Variants in GRIA4 observed in about 807,000 individuals in gnomAD.
GRIA4 encodes the protein glutamate ionotropic receptor AMPA type subunit 4.
In GRIA4, 34 loss-of-function variants were observed where a neutral mutation model predicts 104.0. The ratio of observed to expected loss-of-function variants is 0.33; its 90% CI spans 0.25 to 0.44. GRIA4 has a LOEUF of 0.44. GRIA4 is among the 20% of genes least tolerant of loss of function. The pLI, the probability that GRIA4 is intolerant of heterozygous loss-of-function variation, is 1.00. For missense variants in GRIA4, 750 were observed against 1,096.5 expected, an observed-to-expected ratio of 0.68 and a Z score of 4.46; for synonymous variants, 386 against 381.9, an observed-to-expected ratio of 1.01 and a Z score of -0.13.
chr11:105,650,301 G>A (rs1951648859), intron 3 of GRIA4, among the ~76,000 whole-genome samples: 1 of 152,224 alleles, frequency 6.6e-6, no homozygotes, highest in South Asian at 2.1e-4. Flanking sequence ...CTCAATGAGG[G>A]TATTTTCCCA....
At chr11:105,926,984 A>G (rs1039431121) in intron 13 of GRIA4, 45 bp downstream of exon 13, 32 of 1,328,338 alleles carry the variant, frequency 2.4e-5, no homozygotes, top group Non-Finnish European at 3.4e-5. Context: ...ATCATTTTGA[A>G]ATTCAGGCAA....
intron 4 of GRIA4, among the ~76,000 whole-genome samples, chr11:105,810,743 T>C (rs1255892712): frequency 6.6e-6 from 1 of 152,114 alleles, no homozygotes; most frequent in Non-Finnish European, 1.5e-5. Context: ...TGCCTGAATA[T>C]TCAGATAATC....
intron 14 of GRIA4, among the ~76,000 whole-genome samples, chr11:105,942,826 T>C (rs1021062097): frequency 6.6e-6 from 1 of 152,124 alleles, no homozygotes; most frequent in Admixed American, 6.6e-5. Flanking sequence ...GAAAAAATTA[T>C]GTAGCTTTCA....
At chr11:105,644,658 A>T (rs1951473880) in intron 3 of GRIA4, among the ~76,000 whole-genome samples, 1 of 152,164 alleles carries the variant, frequency 6.6e-6, no homozygotes, top group South Asian at 2.1e-4. Flanking sequence ...ATCTTTTTAG[A>T]AAATCAAAAT....
intron 3 of GRIA4, among the ~76,000 whole-genome samples, chr11:105,638,151 C>T (rs147437868): frequency 4.0e-4 from 61 of 152,138 alleles, no homozygotes; most frequent in Admixed American, 8.5e-4. Flanking sequence ...TGCAAGAATG[C>T]GATTATGAAA....
At chr11:105,796,781 T>C (rs1942495544) in intron 4 of GRIA4, among the ~76,000 whole-genome samples, 1 of 152,212 alleles carries the variant, frequency 6.6e-6, no homozygotes. Flanking sequence ...TCAGAGCTAC[T>C]GACACTTTTC....
intron 3 of GRIA4, among the ~76,000 whole-genome samples, chr11:105,734,125 C>T (rs1190518564): frequency 6.7e-6 from 1 of 149,584 alleles, no homozygotes; most frequent in African/African-American, 2.5e-5. Context: ...CCTTTAGACA[C>T]TGACAGATCT....
intron 4 of GRIA4, among the ~76,000 whole-genome samples, chr11:105,802,807 T>C (rs1021008611): frequency 1.6e-4 from 25 of 151,942 alleles, no homozygotes; most frequent in African/African-American, 6.0e-4. Flanking sequence ...TATTTGTTTA[T>C]TTCAAAACAT....
intron 14 of GRIA4, among the ~76,000 whole-genome samples, chr11:105,969,523 A>C (rs1591498477): frequency 6.6e-6 from 1 of 152,280 alleles, no homozygotes; most frequent in Admixed American, 6.5e-5. Flanking sequence ...ATAGGAGAAA[A>C]GACTGCTTTA....
intron 4 of GRIA4, among the ~76,000 whole-genome samples, chr11:105,758,614 T>C (rs939104747): frequency 5.3e-5 from 8 of 152,174 alleles, no homozygotes; most frequent in African/African-American, 1.9e-4. Flanking sequence ...GAATTTTCCC[T>C]TTTACTACAA....
At chr11:105,810,899 C>A (rs1943144929) in intron 4 of GRIA4, among the ~76,000 whole-genome samples, 1 of 152,068 alleles carries the variant, frequency 6.6e-6, no homozygotes, top group Non-Finnish European at 1.5e-5. Context: ...ATATCTGCAA[C>A]TGTGTTAAGC....
In GRIA4 at chr11:105,717,193, C is replaced by A. The variant is rs1211099664; in HGVS notation, c.248-35788C>A. ...AGCTAAGAATTCCTGAAATCCCAGT[C>A]CAAGCATGTCCAGTTTCATAAACCA... is the stretch of plus-strand genomic sequence containing the variant. On this transcript the variant is annotated intron_variant, in intron 3 of 16. Transcript: ENST00000282499. 2.0e-5 allele frequency among the ~76,000 whole-genome samples: 3 copies of A among 152,060 alleles called. No homozygotes were observed. In the East Asian group the frequency reaches 5.8e-4, roughly 29 times the overall value.
chr11:105,754,055 C>T (rs1940163500), intron 4 of GRIA4, among the ~76,000 whole-genome samples: 1 of 151,980 alleles, frequency 6.6e-6, no homozygotes, highest in South Asian at 2.1e-4. Context: ...CTTTCATGTC[C>T]CTCTTTCTCC....
At chr11:105,887,224 G>A (rs1410165311) in intron 5 of GRIA4, among the ~76,000 whole-genome samples, 2 of 152,004 alleles carry the variant, frequency 1.3e-5, no homozygotes, top group Non-Finnish European at 2.9e-5. Flanking sequence ...GTATTCTCAT[G>A]AGAAATATAT....
rs550464252 is a variant in GRIA4, at chr11:105,713,676, T to A, written c.248-39305T>A. Among the ~76,000 whole-genome samples the A allele has an allele frequency of 7.2e-5, 11 of 152,148 alleles. No individual in the cohort carries two copies. In the East Asian group the frequency reaches 1.2e-3, roughly 16 times the overall value. On this transcript the variant is annotated intron_variant, in intron 3 of 16. Transcript: ENST00000282499. ...AGCTTTTCTACCTTGTACAAGAAAG[T>A]TTTTAATTTGGGATTGTTGTTAAAT...
chr11:105,800,715 C>T (rs190538585), intron 4 of GRIA4, among the ~76,000 whole-genome samples: 8 of 152,026 alleles, frequency 5.3e-5, no homozygotes, highest in Admixed American at 1.3e-4. Context: ...ACTGTCCAAT[C>T]TCGTTTTAGT....
chr11:105,962,731 T>C (rs1050619540), intron 14 of GRIA4, among the ~76,000 whole-genome samples: 1 of 152,274 alleles, frequency 6.6e-6, no homozygotes, highest in East Asian at 1.9e-4. Flanking sequence ...GCAACGTCAT[T>C]GTCAACACAT....
chr11:105,646,073 A>G (rs984461589), intron 3 of GRIA4, among the ~76,000 whole-genome samples: 4 of 152,226 alleles, frequency 2.6e-5, no homozygotes, highest in Non-Finnish European at 5.9e-5. Context: ...TATTATGTAC[A>G]GGAATTGAGG....
intron 14 of GRIA4, among the ~76,000 whole-genome samples, chr11:105,962,819 T>C (rs112254972): frequency 1.2e-4 from 19 of 152,300 alleles, no homozygotes; most frequent in African/African-American, 4.1e-4. Context: ...TATTTTTTAA[T>C]GGAAAGCAAT....
Sources: gnomAD v4.1 joint callset for allele counts (sites outside exome capture counted in the v4.1 genomes callset) on GRCh38, gnomAD v4.1.1 for gene constraint, MANE v1.5 for transcripts, NCBI Gene and HGNC (gene_info 2026-07-23, HGNC 2026-07-21) for gene names.